The following EPHA6 variants were observed in gnomAD, a reference collection of about 807,000 sequenced individuals.
EPHA6 encodes EPH receptor A6.
A neutral mutation model predicts 112.0 loss-of-function variants in EPHA6; 50 were observed. The observed-to-expected ratio is 0.45, with a 90% CI of 0.36 to 0.56. EPHA6 has a LOEUF of 0.56. EPHA6 is among the 20% of genes least tolerant of loss of function. EPHA6 has a pLI of 0.00. For synonymous variants in EPHA6, 529 were observed against 490.7 expected, an observed-to-expected ratio of 1.08 and a Z score of -1.03; for missense variants, 1,280 against 1,417.4, an observed-to-expected ratio of 0.90 and a Z score of 1.56.
At chr3:97,274,640 G>T (rs1427698929) in intron 5 of EPHA6, among the ~76,000 whole-genome samples, 2 of 152,182 alleles carry the variant, frequency 1.3e-5, no homozygotes, top group Non-Finnish European at 2.9e-5. Context: ...GGGCAGAGTG[G>T]TAGCCTCAAT....
At chr3:97,327,296 G>T (rs900218324) in intron 5 of EPHA6, among the ~76,000 whole-genome samples, 1 of 151,988 alleles carries the variant, frequency 6.6e-6, no homozygotes, top group East Asian at 1.9e-4. Context: ...TTATTGAAAT[G>T]ATTGTAGATT....
intron 3 of EPHA6, among the ~76,000 whole-genome samples, chr3:97,058,119 A>G (rs1258311129): frequency 3.3e-5 from 5 of 152,172 alleles, no homozygotes; most frequent in Admixed American, 6.6e-5. Context: ...TAACTATGTC[A>G]TTATAAAATT....
At chr3:96,991,302 T>C (rs1374612471) in intron 3 of EPHA6, among the ~76,000 whole-genome samples, 1 of 152,218 alleles carries the variant, frequency 6.6e-6, no homozygotes, top group Non-Finnish European at 1.5e-5. Flanking sequence ...CACAATGATT[T>C]ATTATTTTTC....
chr3:97,402,882 A>G (rs1484996478), intron 5 of EPHA6, among the ~76,000 whole-genome samples: 1 of 152,192 alleles, frequency 6.6e-6, no homozygotes, highest in East Asian at 1.9e-4. Context: ...AGAACACAAA[A>G]GCAACCTTCA....
chr3:97,661,107 T>C (rs1409767745), intron 14 of EPHA6, among the ~76,000 whole-genome samples: 1 of 152,152 alleles, frequency 6.6e-6, no homozygotes, highest in Non-Finnish European at 1.5e-5. Flanking sequence ...TTTTTGTAAA[T>C]CCAGAAATAA....
chr3:97,031,401 C>G (rs1254184469), intron 3 of EPHA6, among the ~76,000 whole-genome samples: 1 of 152,056 alleles, frequency 6.6e-6, no homozygotes, highest in Non-Finnish European at 1.5e-5. Flanking sequence ...GACTTCATGT[C>G]TAAAACACCA....
chr3:97,628,041 A>C (rs1035425239), intron 13 of EPHA6, among the ~76,000 whole-genome samples: 1 of 151,998 alleles, frequency 6.6e-6, no homozygotes, highest in African/African-American at 2.4e-5. Context: ...TTTGGAATAG[A>C]GGCATAGCAT....
At chr3:96,930,622 C>G (rs185508265) in intron 2 of EPHA6, among the ~76,000 whole-genome samples, 1 of 152,204 alleles carries the variant, frequency 6.6e-6, no homozygotes, top group East Asian at 1.9e-4. Flanking sequence ...CCTGAACATG[C>G]CTGTAGGAGG....
chr3:97,228,372 GC>G (rs1305421461), intron 4 of EPHA6, among the ~76,000 whole-genome samples: 1 of 151,852 alleles, frequency 6.6e-6, no homozygotes, highest in African/African-American at 2.4e-5. Context: ...TTATGTTGTT[GC>G]TCCTCATACC....
At chr3:96,927,289 C>T (rs745518657) in intron 2 of EPHA6, among the ~76,000 whole-genome samples, 26 of 152,310 alleles carry the variant, frequency 1.7e-4, no homozygotes, top group Admixed American at 2.6e-4. Flanking sequence ...CCATTTTTCC[C>T]TTCTAGGCCT....
In EPHA6 at chr3:97,757,616, G is replaced by A. The variant is rs879879117; in HGVS notation, c.*8915G>A. ...ATATAAAAATAGTATATATAAAGAT[G>A]CATAAAAAAGGAACTTACTTGATAC... On this transcript the variant is annotated 3_prime_UTR_variant, in exon 18 of 18. Transcript: ENST00000389672. Among the ~76,000 whole-genome samples the A allele has an allele frequency of 4.0e-5, 6 of 151,450 alleles. No individual in the cohort carries two copies. The highest frequency in any genetic ancestry group is 7.3e-5 in the African/African-American group (3 of 41,328).
intron 14 of EPHA6, among the ~76,000 whole-genome samples, chr3:97,697,212 G>A (rs765222723): frequency 1.3e-5 from 2 of 152,172 alleles, no homozygotes; most frequent in Non-Finnish European, 2.9e-5. Flanking sequence ...CTACCACAGT[G>A]ATCTGGGTAT....
At chr3:97,513,796 A>G (rs142121716) in intron 10 of EPHA6, among the ~76,000 whole-genome samples, 209 of 152,234 alleles carry the variant, frequency 1.4e-3, no homozygotes, top group African/African-American at 4.8e-3. Flanking sequence ...ACTACACTAT[A>G]TATATATATA....
chr3:97,541,896 G>A (rs2092860927), intron 11 of EPHA6, among the ~76,000 whole-genome samples: 1 of 151,414 alleles, frequency 6.6e-6, no homozygotes, highest in Non-Finnish European at 1.5e-5. Flanking sequence ...ATATATAAAG[G>A]GGAGTTAATA....
intron 13 of EPHA6, among the ~76,000 whole-genome samples, chr3:97,629,010 G>A (rs931060060): frequency 2.6e-5 from 4 of 151,846 alleles, no homozygotes; most frequent in Admixed American, 2.6e-4. Flanking sequence ...ATAGTTCACC[G>A]CAACCTCAAA....
intron 10 of EPHA6, among the ~76,000 whole-genome samples, chr3:97,496,182 A>G (rs561322068): frequency 6.6e-6 from 1 of 152,138 alleles, no homozygotes; most frequent in African/African-American, 2.4e-5. Flanking sequence ...TGGACTTTCC[A>G]TGTGGTCTAA....
chr3:97,256,846 T>A (rs531794352), intron 5 of EPHA6, among the ~76,000 whole-genome samples: 18 of 152,130 alleles, frequency 1.2e-4, no homozygotes, highest in Admixed American at 9.2e-4. Flanking sequence ...ATATGGAAAC[T>A]TTTTAACATG....
chr3:97,419,507 C>A (rs2088431244), intron 6 of EPHA6, among the ~76,000 whole-genome samples: 1 of 151,956 alleles, frequency 6.6e-6, no homozygotes, highest in Non-Finnish European at 1.5e-5. Flanking sequence ...CACCTGTAAT[C>A]CCAGCTACTT....
chr3:97,001,222 A>AT (rs757298282), intron 3 of EPHA6, among the ~76,000 whole-genome samples: 67 of 151,938 alleles, frequency 4.4e-4, no homozygotes, highest in Admixed American at 2.1e-3. Flanking sequence ...AACAGGGAAC[A>AT]TTTGTGGTAA....
Sources: allele counts gnomAD v4.1 joint callset (sites outside exome capture counted in the v4.1 genomes callset), GRCh38; gene constraint gnomAD v4.1.1; transcripts MANE v1.5; gene names NCBI Gene and HGNC (gene_info 2026-07-23, HGNC 2026-07-21).